Variants in CFAP100 observed in about 807,000 individuals in gnomAD.
CFAP100 encodes the protein cilia and flagella associated protein 100, also known as cilia- and flagella-associated protein 100.
A neutral mutation model predicts 81.5 loss-of-function variants in CFAP100; 70 were observed. The observed-to-expected ratio is 0.86, with a 90% CI of 0.71 to 1.05. The LOEUF (loss-of-function observed/expected upper bound fraction) is 1.05. CFAP100 is among the 50% of genes least tolerant of loss of function. The pLI is 0.00. For missense variants in CFAP100, 811 were observed against 776.5 expected, an observed-to-expected ratio of 1.04 and a Z score of -0.53; for synonymous variants, 341 against 314.8, an observed-to-expected ratio of 1.08 and a Z score of -0.88.
chr3:126,414,246 C>A (rs772085300), intron 4 of CFAP100, 67 bp downstream of exon 4: 2 of 1,104,028 alleles, frequency 1.8e-6, no homozygotes, highest in Non-Finnish European at 2.8e-6. Context: ...CCTGGAGTGG[C>A]CACATTGCCC....
intron 13 of CFAP100, among the ~76,000 whole-genome samples, chr3:126,427,532 T>G (rs1933011316): frequency 6.6e-6 from 1 of 152,202 alleles, no homozygotes; most frequent in Non-Finnish European, 1.5e-5. Flanking sequence ...GCAGATTTTT[T>G]TGTGTGTGGA....
chr3:126,429,001 TG>T (rs1933071260), intron 13 of CFAP100, among the ~76,000 whole-genome samples: 1 of 149,716 alleles, frequency 6.7e-6, no homozygotes, highest in South Asian at 2.1e-4. Context: ...TCCAGCTACT[TG>T]GGAGGCTGAA....
intron 12 of CFAP100, 25 bp from the exon 13 acceptor site, chr3:126,423,468 C>A: frequency 6.2e-7 from 1 of 1,613,668 alleles, no homozygotes; most frequent in South Asian, 1.1e-5. Context: ...CCTGTCCAGT[C>A]CCTGCCAAAA....
chr3:126,419,684 A>C lies in CFAP100; in HGVS notation c.779A>C (p.Lys260Thr). ...EDTLKHYKVY[K>T]DFLYKLSPKE... ...ACTCTGAAGCATTACAAGGTCTATA[A>C]GGATTTCCTATACAAGCTGTCGCCC... Residue 260 changes from lysine to threonine, a missense_variant, in exon 9 of 17, where the codon AAG becomes ACG. By Grantham distance (78) the Lys-to-Thr change is moderately conservative (BLOSUM62 -1). Transcript: ENST00000352312. 6.2e-7 allele frequency: 1 copy of C among 1,614,090 alleles called. No individual in the cohort carries two copies. The highest frequency in any genetic ancestry group is 8.5e-7 in the Non-Finnish European group (1 of 1,180,024).
rs1375534448 is a variant in CFAP100 at position 126,416,400 on chromosome 3, C to T, written c.310C>T (p.Arg104Trp). ...KVSAKHTSLRRQLQLEDKQED... is the reference protein window; with the variant it reads ...KVSAKHTSLRWQLQLEDKQED... ...GTCGGCTAAGCACACCAGCCTGCGGCGGCAGCTGCAGCTGGAGGACAAGCA... is the reference window on the plus strand; with the variant it reads ...GTCGGCTAAGCACACCAGCCTGCGGTGGCAGCTGCAGCTGGAGGACAAGCA... The change falls in exon 5 of 17, where the codon CGG becomes TGG. Residue 104 changes from arginine (R) to tryptophan (W), a missense_variant. By Grantham distance (101) the Arg-to-Trp change is moderately radical. Transcript: ENST00000352312. 6.2e-7 allele frequency: 1 copy of T among 1,612,112 alleles called. No homozygotes were observed.
Position 126,433,215 on chromosome 3 carries a change from G to T in CFAP100, c.1422+11G>T. 3 of 1,613,986 alleles carry T rather than the reference G, an allele frequency of 1.9e-6. No homozygotes were observed. Among genetic ancestry groups the T allele is most frequent in the Non-Finnish European group, 2.5e-6 (3 of 1,179,922 alleles). On this transcript the variant is annotated intron_variant, in intron 14 of 16. Transcript: ENST00000352312. ...AAGGGCGATCAGCAGGTAGGCTGGG[G>T]ATCAAGGTGGCCAGAGGCCCAGGGT...
At position 126,436,350 on chromosome 3, in the gene CFAP100, T is replaced by C. The variant is rs1366591419; in HGVS notation, c.1782T>C (p.Ser594=). 6.2e-7 allele frequency: 1 copy of C among 1,614,152 alleles called. No individual in the cohort carries two copies. ...RPPAHRIKQQ[S]EHTLMDKEEE... ...CAGCCCACAGGATCAAACAACAGTC[T>C]GAGCACACACTGATGGACAAGGAGG... Residue 594 remains serine, a synonymous_variant, in exon 17 of 17, where the codon TCT becomes TCC. Transcript: ENST00000352312.
At chr3:126,400,407 A>G (rs2082954951) in intron 2 of CFAP100, among the ~76,000 whole-genome samples, 1 of 152,184 alleles carries the variant, frequency 6.6e-6, no homozygotes, top group Non-Finnish European at 1.5e-5. Flanking sequence ...GGGGAAAATG[A>G]AACCCTTTTA....
chr3:126,434,398 C>G lies in CFAP100; in HGVS notation c.1628+17C>G, dbSNP rs968884917. 1.9e-6 allele frequency: 3 copies of G among 1,604,790 alleles called. No individual in the cohort carries two copies. In the South Asian group the frequency reaches 3.3e-5, roughly 18 times the overall value. ...GCGCATCAGGTGAGCTCTAGGCTCT[C>G]CCTGCCAGCTGCTGTGTCCTGGCTG... On this transcript the variant is annotated intron_variant, in intron 15 of 16. Transcript: ENST00000352312.
chr3:126,413,374 A>T (rs2083187240), intron 3 of CFAP100, among the ~76,000 whole-genome samples: 1 of 152,084 alleles, frequency 6.6e-6, no homozygotes, highest in Admixed American at 6.5e-5. Flanking sequence ...AGAGTTTTAA[A>T]TTTATTTTCT....
At position 126,433,153 on chromosome 3, in the gene CFAP100, G is replaced by A. The variant is rs1393998813; in HGVS notation, c.1371G>A (p.Leu457=). The A allele has an allele frequency of 1.9e-6, 3 of 1,614,098 alleles. No homozygotes were observed. Among genetic ancestry groups the A allele is most frequent in the African/African-American group, 1.3e-5 (1 of 74,934 alleles). ...AGGAGGAGGACACAGCAGCTGAGCTGGAGCTCAAAGCCCGAGTCTTCCACT... is the reference window on the plus strand; with the variant it reads ...AGGAGGAGGACACAGCAGCTGAGCTAGAGCTCAAAGCCCGAGTCTTCCACT... ...ITKEEDTAAE[L]ELKARVFHFG... The change falls in exon 14 of 17, where the codon CTG becomes CTA. Residue 457 remains leucine (L), a synonymous_variant. Transcript: ENST00000352312.
Position 126,420,232 on chromosome 3 carries a change from G to T in CFAP100, c.1082+3G>T. ...TCCAGCGGTGGCGACTCCAGAGGGT[G>T]AGTGGGCTCGGGTGGTTGGGAGGGG... On this transcript the variant is annotated splice_donor_region_variant and intron_variant, in intron 11 of 16. Transcript: ENST00000352312. The T allele has an allele frequency of 6.2e-7, 1 of 1,610,700 alleles. No homozygotes were observed. Among genetic ancestry groups the T allele is most frequent in the South Asian group, 1.1e-5 (1 of 90,984 alleles).
In CFAP100 at chr3:126,396,277, G is replaced by C. The variant is rs115245452; in HGVS notation, c.49+228G>C. ...GACATTTGTTTTCTCAAGCTCTGGGGGCTGGATGTCTGAGATCAAGTTGTC... is the reference window on the plus strand; with the variant it reads ...GACATTTGTTTTCTCAAGCTCTGGGCGCTGGATGTCTGAGATCAAGTTGTC... On this transcript the variant is annotated intron_variant, in intron 2 of 16. Coordinates refer to ENST00000352312, the MANE Select transcript of CFAP100 (RefSeq NM_182628.3). Among the ~76,000 whole-genome samples, 474 of 152,272 alleles carry C rather than the reference G, an allele frequency of 3.1e-3. 6 individuals carry two copies. Among genetic ancestry groups the C allele is most frequent in the African/African-American group, 0.011 (453 of 41,550 alleles).
At chr3:126,410,109 G>A (rs180833582) in intron 3 of CFAP100, among the ~76,000 whole-genome samples, 1 of 152,322 alleles carries the variant, frequency 6.6e-6, no homozygotes, top group East Asian at 1.9e-4. Flanking sequence ...GCTGAGACAG[G>A]AGAATTGCTT....
Position 126,434,163 on chromosome 3 carries a change from A to G in CFAP100, c.1423-13A>G, listed in dbSNP as rs749882826. 4 of 1,593,944 alleles carry G rather than the reference A, an allele frequency of 2.5e-6. No homozygotes were observed. The highest frequency in any genetic ancestry group is 2.3e-5 in the East Asian group (1 of 44,382). Reference sequence around the variant, plus strand: ...GCCTGCCAGCACCCTGCTGGAAGCCACCTCCTCCACAGGATAAGCTGCTAG... The same window carrying G: ...GCCTGCCAGCACCCTGCTGGAAGCCGCCTCCTCCACAGGATAAGCTGCTAG... On this transcript the variant is annotated splice_polypyrimidine_tract_variant and intron_variant, in intron 14 of 16. Coordinates refer to ENST00000352312, the MANE Select transcript of CFAP100 (RefSeq NM_182628.3).
chr3:126,419,251 T>A, intron 8 of CFAP100, 95 bp downstream of exon 8: 5 of 783,654 alleles, frequency 6.4e-6, no homozygotes, highest in South Asian at 1.9e-5. Context: ...CATGTGAACC[T>A]CATGGCTTTA....
Position 126,420,041 on chromosome 3 carries a change from C to T in CFAP100, c.955+20C>T, listed in dbSNP as rs766623334. ...CCAAAGGTGAGCTGCCGCCCCCAGCCTGAGGAGGAGCCTGGCTCTGCCCTG... is the reference window on the plus strand; with the variant it reads ...CCAAAGGTGAGCTGCCGCCCCCAGCTTGAGGAGGAGCCTGGCTCTGCCCTG... On this transcript the variant is annotated intron_variant, in intron 10 of 16. Transcript: ENST00000352312. The T allele has an allele frequency of 5.0e-6, 8 of 1,613,174 alleles. No homozygotes were observed. Among genetic ancestry groups the T allele is most frequent in the Non-Finnish European group, 5.9e-6 (7 of 1,180,012 alleles).
intron 13 of CFAP100, chr3:126,432,817 TTTA>T: frequency 5.5e-6 from 2 of 364,154 alleles, no homozygotes; most frequent in Non-Finnish European, 9.8e-6. Context: ...TTATGCTAAT[TTTA>T]TTGTCTGTGA....
intron 5 of CFAP100, chr3:126,418,028 C>CGTAT: frequency 5.3e-6 from 1 of 189,470 alleles, no homozygotes. Context: ...CAGCCTCTGC[C>CGTAT]CAGTTTGCTC....
Sources: gnomAD v4.1 joint callset for allele counts (sites outside exome capture counted in the v4.1 genomes callset) on GRCh38, gnomAD v4.1.1 for gene constraint, MANE v1.5 for transcripts, NCBI Gene and HGNC (gene_info 2026-07-23, HGNC 2026-07-21) for gene names.